Variants in DSE observed in about 807,000 individuals in gnomAD.
The protein encoded by DSE is dermatan-sulfate epimerase.
A neutral mutation model predicts 84.4 loss-of-function variants in DSE; 36 were observed. The observed-to-expected ratio is 0.43, with a 90% CI of 0.33 to 0.56. The LOEUF (loss-of-function observed/expected upper bound fraction) is 0.56. DSE is among the 20% of genes least tolerant of loss of function. The pLI is 0.06. For missense variants in DSE, 862 were observed against 1,169.6 expected (o/e 0.74, Z 3.84); for synonymous variants, 410 against 430.1 (o/e 0.95, Z 0.58).
intron 2 of DSE, among the ~76,000 whole-genome samples, chr6:116,404,528 C>T (rs1583181456): frequency 6.6e-6 from 1 of 152,240 alleles, no homozygotes; most frequent in South Asian, 2.1e-4. Context: ...GTGTTAGCCA[C>T]ATGTCCTTTG....
intron 1 of DSE, chr6:116,375,539 C>T (rs1331083948): frequency 1.0e-6 from 1 of 985,030 alleles, no homozygotes; most frequent in African/African-American, 1.7e-5. Flanking sequence ...ATAAATGTAT[C>T]CCAAATTTCT....
Position 116,435,737 on chromosome 6 carries a change from G to C in DSE, c.1269G>C (p.Gly423=). The C allele has an allele frequency of 6.2e-7, 1 of 1,614,030 alleles. No individual in the cohort carries two copies. The highest frequency in any genetic ancestry group is 1.1e-5 in the South Asian group (1 of 91,072). ...SFLSFKSGKL[G]GRAIYDIVHR... ...TTTCCTTCAAGTCTGGAAAACTGGG[G>C]GGACGTGCAATATATGACATTGTCC... The change falls in exon 6 of 6, where the codon GGG becomes GGC. Residue 423 remains glycine, a synonymous_variant. Coordinates refer to ENST00000644252, the MANE Select transcript of DSE (RefSeq NM_013352.4).
intron 2 of DSE, among the ~76,000 whole-genome samples, chr6:116,344,976 G>C (rs955130785): frequency 7.1e-4 from 108 of 152,270 alleles, no homozygotes; most frequent in African/African-American, 2.5e-3. Context: ...TGCAATCCTA[G>C]TCTCTGATAA....
intron 1 of DSE, among the ~76,000 whole-genome samples, chr6:116,377,531 T>C (rs560440207): frequency 1.2e-4 from 19 of 152,316 alleles, no homozygotes; most frequent in African/African-American, 4.6e-4. Context: ...ACATTGCTCA[T>C]TTAAAGAAAT....
chr6:116,355,992 T>A (rs1778548910), intron 2 of DSE, among the ~76,000 whole-genome samples: 1 of 152,194 alleles, frequency 6.6e-6, no homozygotes, highest in Non-Finnish European at 1.5e-5. Context: ...ATCTGGAGGA[T>A]CCCTGAAGAG....
intron 2 of DSE, among the ~76,000 whole-genome samples, chr6:116,314,890 A>G (rs1336912840): frequency 6.6e-6 from 1 of 152,262 alleles, no homozygotes; most frequent in Non-Finnish European, 1.5e-5. Flanking sequence ...GGGATGCTAA[A>G]TAAAAGCTCC....
Position 116,396,696 on chromosome 6 carries a change from C to T in DSE, c.-53-2502C>T, listed in dbSNP as rs1015319261. ...CTTTTCTGGTTTAAATATATTCAGA[C>T]ATATCCTACGTAACTGGAAGCAATG... On this transcript the variant is annotated intron_variant, in intron 1 of 5. Transcript: ENST00000644252. 2.6e-5 allele frequency among the ~76,000 whole-genome samples: 4 copies of T among 152,284 alleles called. No individual in the cohort carries two copies. In the South Asian group the frequency reaches 8.3e-4, roughly 32 times the overall value.
chr6:116,346,173 C>T (rs1053816972), intron 2 of DSE, among the ~76,000 whole-genome samples: 2 of 152,152 alleles, frequency 1.3e-5, no homozygotes, highest in African/African-American at 2.4e-5. Context: ...GATTCACAGC[C>T]GAATTCTACC....
At chr6:116,322,372 G>A (rs1439790683) in intron 2 of DSE, among the ~76,000 whole-genome samples, 2 of 152,012 alleles carry the variant, frequency 1.3e-5, no homozygotes, top group South Asian at 4.2e-4. Flanking sequence ...ACAATATGAG[G>A]GGTGGTCTCC....
In DSE at chr6:116,371,046, G is replaced by C; in HGVS notation, c.-129G>C. ...GGGGGCCGGGAGCCCGGGCGCCCTG[G>C]AGTGAGGAGGACCGGGAGCTGGCTC... is the stretch of plus-strand genomic sequence containing the variant. On this transcript the variant is annotated 5_prime_UTR_variant, in exon 1 of 6. Transcript: ENST00000644252. The C allele has an allele frequency of 1.3e-5, 13 of 985,970 alleles. No homozygotes were observed. The highest frequency in any genetic ancestry group is 1.6e-5 in the Non-Finnish European group (13 of 830,408). The allele number at this position is 985,970 out of a possible 1,614,324, so 61.1% of individuals were successfully genotyped here. A position where few individuals can be genotyped will look rare whatever the true frequency, so the allele number is the denominator to read the frequency against.
chr6:116,370,489 C>T (rs1435689250), upstream of DSE: 20 of 986,384 alleles, frequency 2.0e-5, no homozygotes, highest in South Asian at 9.3e-4. Context: ...GAGTGGGCAC[C>T]AGTCCCGGTA....
intron 2 of DSE, among the ~76,000 whole-genome samples, chr6:116,408,017 C>A (rs1199308095): frequency 6.6e-6 from 1 of 152,166 alleles, no homozygotes; most frequent in East Asian, 1.9e-4. Flanking sequence ...CCTTGTCTTC[C>A]ACCTTTCTCT....
chr6:116,298,338 G>C (rs577158428), intron 2 of DSE, among the ~76,000 whole-genome samples: 4 of 152,208 alleles, frequency 2.6e-5, no homozygotes, highest in Non-Finnish European at 4.4e-5. Context: ...CCTTGAGATA[G>C]GGATATTGTC....
At chr6:116,375,445 A>C (rs1779867371) in intron 1 of DSE, 15 of 722,034 alleles carry the variant, frequency 2.1e-5, no homozygotes, top group Non-Finnish European at 2.4e-5. Flanking sequence ...TCGAGGCTGC[A>C]GTGAGCTATG....
At chr6:116,273,729 C>T (rs985925159) in intron 2 of DSE, among the ~76,000 whole-genome samples, 1 of 152,138 alleles carries the variant, frequency 6.6e-6, no homozygotes, top group Non-Finnish European at 1.5e-5. Flanking sequence ...AGGGCAAAGA[C>T]AACCTTTACT....
At chr6:116,365,002 T>C (rs1779084957) in intron 2 of DSE, among the ~76,000 whole-genome samples, 1 of 151,904 alleles carries the variant, frequency 6.6e-6, no homozygotes, top group African/African-American at 2.4e-5. Flanking sequence ...CCGGCTAATT[T>C]TTTGTGTGTG....
rs1015055582 is a variant in DSE at position 116,258,716 on chromosome 6, C to T, written c.-305C>T. On this transcript the variant is annotated 5_prime_UTR_variant, in exon 2 of 4. Transcript: ENST00000430252. ...GACACGTCCACAGCCTGTCGTCTCA[C>T]AGTCCCGGCGCACCCAATGCGTGTG... The T allele has an allele frequency of 2.7e-5, 43 of 1,606,584 alleles. No homozygotes were observed. Among genetic ancestry groups the T allele is most frequent in the Non-Finnish European group, 3.5e-5 (41 of 1,173,114 alleles).
intron 2 of DSE, among the ~76,000 whole-genome samples, chr6:116,356,811 G>GTTTTA (rs1248982876): frequency 1.3e-5 from 2 of 152,102 alleles, no homozygotes; most frequent in East Asian, 1.9e-4. Context: ...CACACTGAGT[G>GTTTTA]TTTTAGGATT....
intron 2 of DSE, chr6:116,277,291 A>C (rs1325478969): frequency 6.6e-6 from 1 of 152,652 alleles, no homozygotes; most frequent in Non-Finnish European, 1.5e-5. Flanking sequence ...TAACCCCTTC[A>C]ATTCTCCCTG....
Sources: gnomAD v4.1 joint callset for allele counts (sites outside exome capture counted in the v4.1 genomes callset) on GRCh38, gnomAD v4.1.1 for gene constraint, MANE v1.5 for transcripts, NCBI Gene and HGNC (gene_info 2026-07-23, HGNC 2026-07-21) for gene names.